Variants in OLFM2 observed in about 807,000 individuals in gnomAD.
The protein encoded by OLFM2 is olfactomedin 2.
In OLFM2, 20 loss-of-function variants were observed where a neutral mutation model predicts 43.9. The ratio of observed to expected loss-of-function variants is 0.46; its 90% CI spans 0.32 to 0.66. OLFM2 has a LOEUF of 0.66. Ranked by LOEUF, OLFM2 falls within the 30% of genes least tolerant of loss-of-function variation. The pLI is 0.04. For missense variants in OLFM2, 416 were observed against 643.6 expected, an observed-to-expected ratio of 0.65 and a Z score of 3.83; for synonymous variants, 268 against 278.6, an observed-to-expected ratio of 0.96 and a Z score of 0.38.
chr19:9,885,318 C>G (rs1189676115), intron 1 of OLFM2, among the ~76,000 whole-genome samples: 2 of 152,164 alleles, frequency 1.3e-5, no homozygotes, highest in African/African-American at 4.8e-5. Flanking sequence ...GTCAGAGGAG[C>G]CCCAGTGCCA....
At chr19:9,900,679 C>T (rs1022397757) in intron 1 of OLFM2, among the ~76,000 whole-genome samples, 7 of 151,546 alleles carry the variant, frequency 4.6e-5, no homozygotes, top group Middle Eastern at 3.2e-3. Flanking sequence ...TCGCTTGAAC[C>T]TAGGAGTTTG....
chr19:9,864,293 CGTTT>C (rs2046384393), intron 1 of OLFM2, among the ~76,000 whole-genome samples: 1 of 152,114 alleles, frequency 6.6e-6, no homozygotes, highest in African/African-American at 2.4e-5. Flanking sequence ...TTTATTTATT[CGTTT>C]ATTTTATTAT....
At chr19:9,876,541 G>A (rs889062845) in intron 1 of OLFM2, among the ~76,000 whole-genome samples, 1 of 152,188 alleles carries the variant, frequency 6.6e-6, no homozygotes, top group East Asian at 1.9e-4. Context: ...CGGGTGGCAA[G>A]TCCACTCTGG....
At chr19:9,927,253 G>C (rs1478375050) in intron 1 of OLFM2, among the ~76,000 whole-genome samples, 1 of 152,084 alleles carries the variant, frequency 6.6e-6, no homozygotes, top group Non-Finnish European at 1.5e-5. Context: ...CTGCACTCCA[G>C]CCTGGGCGAC....
rs118049497 is a variant in OLFM2 at position 9,862,703 on chromosome 19, G to A, written c.64-1909C>T. Among the ~76,000 whole-genome samples the A allele has an allele frequency of 6.9e-3, 1,040 of 151,820 alleles. 5 individuals are homozygous for A. The highest frequency in any genetic ancestry group is 0.011 in the Non-Finnish European group (766 of 67,934). On this transcript the variant is annotated intron_variant, in intron 1 of 5. Coordinates refer to ENST00000264833, the MANE Select transcript of OLFM2 (RefSeq NM_058164.4). The stretch of plus-strand genomic sequence containing the variant: ...CTCTTAAAAAAAACAGGCCAGACGC[G>A]GTGGCTCACACCTGTAATCCTAGCA...
chr19:9,909,386 G>T (rs188779970), intron 1 of OLFM2, among the ~76,000 whole-genome samples: 1 of 152,294 alleles, frequency 6.6e-6, no homozygotes, highest in East Asian at 1.9e-4. Context: ...CCCCAGGTGA[G>T]AAGCCATTCC....
rs1200912558 is a variant in OLFM2 at position 9,857,395 on chromosome 19, G to T, written c.448C>A (p.Arg150=). 6.2e-7 allele frequency: 1 copy of T among 1,613,980 alleles called. No individual in the cohort carries two copies. The highest frequency in any genetic ancestry group is 2.2e-5 in the East Asian group (1 of 44,860). Reference sequence around the variant, plus strand: ...CCGGAGAGATTCCTCACCTCCTCCCGCAAGCGTACAATGGTCCGCGTGTCT... The same window carrying T: ...CCGGAGAGATTCCTCACCTCCTCCCTCAAGCGTACAATGGTCCGCGTGTCT... ...KADTRTIVRL[R]EEVRNLSGSL... is the part of the protein sequence containing the mutation. The change falls in exon 4 of 6, where the codon CGG becomes AGG. Residue 150 remains arginine (R), a synonymous_variant. Transcript: ENST00000264833. The surrounding 1 kb of genome is among the most constrained non-coding windows in gnomAD (Gnocchi z 5.7).
In OLFM2 at chr19:9,920,093, C is replaced by T. The variant is rs143933278; in HGVS notation, c.63+16211G>A. On this transcript the variant is annotated intron_variant, in intron 1 of 5. Coordinates refer to ENST00000264833, the MANE Select transcript of OLFM2 (RefSeq NM_058164.4). ...TGCTAGGATTACAGCTGTAAGCCACCACACCTGGCCCCTCCCCACCAAAAA... is the reference window on the plus strand; with the variant it reads ...TGCTAGGATTACAGCTGTAAGCCACTACACCTGGCCCCTCCCCACCAAAAA... Among the ~76,000 whole-genome samples, 814 of 152,036 alleles carry T rather than the reference C, an allele frequency of 5.4e-3. 5 individuals carry two copies. Among genetic ancestry groups the T allele is most frequent in the African/African-American group, 0.019 (774 of 41,462 alleles).
intron 1 of OLFM2, among the ~76,000 whole-genome samples, chr19:9,884,276 T>TA (rs4044581): frequency 3.3e-4 from 43 of 130,942 alleles, no homozygotes; most frequent in Non-Finnish European, 5.7e-4. Context: ...TCTCAAAAAT[T>TA]AAAAAAAAAA....
chr19:9,929,980 G>A lies in OLFM2; in HGVS notation c.63+6324C>T, dbSNP rs570888078. Among the ~76,000 whole-genome samples, 222 of 151,916 alleles carry A rather than the reference G, an allele frequency of 1.5e-3. 1 individual carries two copies. Among genetic ancestry groups the A allele is most frequent in the African/African-American group, 5.0e-3 (208 of 41,448 alleles). Reference sequence around the variant, plus strand: ...CTTGAACCCAGGAGGCAGAGGTTGCGGTGAGCCGAGATCGCGCCACTGACC... The same window carrying A: ...CTTGAACCCAGGAGGCAGAGGTTGCAGTGAGCCGAGATCGCGCCACTGACC... On this transcript the variant is annotated intron_variant, in intron 1 of 5. Transcript: ENST00000264833.
intron 1 of OLFM2, among the ~76,000 whole-genome samples, chr19:9,871,183 A>G (rs1196880170): frequency 6.6e-6 from 1 of 151,438 alleles, no homozygotes; most frequent in East Asian, 1.9e-4. Flanking sequence ...AGGCAAGAGA[A>G]TCACTTGAAC....
At chr19:9,918,669 A>G (rs2086400665) in intron 1 of OLFM2, among the ~76,000 whole-genome samples, 1 of 152,220 alleles carries the variant, frequency 6.6e-6, no homozygotes, top group African/African-American at 2.4e-5. Flanking sequence ...CATACAATGG[A>G]ATGCCATTCC....
chr19:9,925,788 A>G (rs10419283), intron 1 of OLFM2, among the ~76,000 whole-genome samples: 22,444 of 151,730 alleles, frequency 0.15, 4,780 homozygotes, highest in African/African-American at 0.47. Context: ...GTGTCTCAAA[A>G]AGATATTGGT....
intron 5 of OLFM2, among the ~76,000 whole-genome samples, chr19:9,855,194 G>A (rs1443060834): frequency 6.6e-6 from 1 of 151,508 alleles, no homozygotes; most frequent in African/African-American, 2.4e-5. Flanking sequence ...GGCCCCAGTA[G>A]GACCCAAATC....
At chr19:9,881,987 C>T (rs1393815249) in intron 1 of OLFM2, among the ~76,000 whole-genome samples, 3 of 152,038 alleles carry the variant, frequency 2.0e-5, no homozygotes, top group Non-Finnish European at 2.9e-5. Context: ...ATCCCAACAC[C>T]GTGGGAGGAG....
chr19:9,859,232 G>A (rs879616745), intron 2 of OLFM2, among the ~76,000 whole-genome samples: 22 of 152,210 alleles, frequency 1.4e-4, no homozygotes, highest in African/African-American at 4.6e-4. Context: ...ACAGTTTCAC[G>A]TTTCAGCTAC....
chr19:9,927,180 G>T (rs2145008771), intron 1 of OLFM2, among the ~76,000 whole-genome samples: 2 of 151,966 alleles, frequency 1.3e-5, no homozygotes, highest in South Asian at 4.2e-4. Flanking sequence ...TCCTTGGGAG[G>T]CTGAGGTAGG....
Position 9,936,441 on chromosome 19 carries a change from C to G in OLFM2, c.-75G>C. On this transcript the variant is annotated 5_prime_UTR_variant, in exon 1 of 6. Coordinates refer to ENST00000264833, the MANE Select transcript of OLFM2 (RefSeq NM_058164.4). ...TCGGCGCGGGGACCGCCACCAGGCG[C>G]GACCCCGCCCGCCCGGCCGGGGCGA... 9.6e-7 allele frequency: 1 copy of G among 1,045,772 alleles called. No individual in the cohort carries two copies. The highest frequency in any genetic ancestry group is 1.2e-6 in the Non-Finnish European group (1 of 866,644). 64.8% of individuals were successfully genotyped at this position (1,045,772 alleles called of 1,614,324 possible). A position where few individuals can be genotyped will look rare whatever the true frequency, so the allele number is the denominator to read the frequency against.
At chr19:9,855,568 G>A (rs1285800348) in intron 5 of OLFM2, among the ~76,000 whole-genome samples, 2 of 150,498 alleles carry the variant, frequency 1.3e-5, no homozygotes, top group African/African-American at 4.9e-5. Flanking sequence ...AAGTCTCACT[G>A]TTTTTCCCAG....
Sources: gnomAD v4.1 joint callset for allele counts (sites outside exome capture counted in the v4.1 genomes callset) on GRCh38, gnomAD v4.1.1 for gene constraint, Gnocchi (gnomAD v3.1) non-coding constraint, MANE v1.5 for transcripts, NCBI Gene and HGNC (gene_info 2026-07-23, HGNC 2026-07-21) for gene names.